The following NOVA2 variants were observed in gnomAD, a reference collection of about 807,000 sequenced individuals.
NOVA2 encodes RNA-binding protein Nova-2.
NOVA2 carries 9 observed loss-of-function variants against 22.5 expected under a neutral mutation model. The ratio of observed to expected loss-of-function variants is 0.40; its 90% CI spans 0.24 to 0.70. The LOEUF is 0.70. Among genes scored for constraint, NOVA2 ranks in the 30% least tolerant of loss-of-function variants. The pLI is 0.38. For missense variants in NOVA2, 383 were observed against 682.8 expected (o/e 0.56, Z 4.89); for synonymous variants, 318 against 335.2 (o/e 0.95, Z 0.56).
chr19:45,962,404 G>C (rs555269695), intron 1 of NOVA2: 1 of 152,910 alleles, frequency 6.5e-6, no homozygotes, highest in East Asian at 1.9e-4. Context: ...GCACAGAGAA[G>C]TGAAGGTACC....
chr19:45,961,228 A>G (rs1968091901), intron 1 of NOVA2, 75 bp from the exon 2 acceptor site: 1 of 972,762 alleles, frequency 1.0e-6, no homozygotes, highest in African/African-American at 1.6e-5. Context: ...AGCAGAGGAA[A>G]CCCCAGGGGT....
At position 45,933,918 on chromosome 19, in the gene NOVA2, T is replaced by G. The variant is rs1967625008; in HGVS notation, c.*5945A>C. The G allele has an allele frequency of 6.7e-6, 1 of 149,842 alleles. No individual in the cohort carries two copies. The highest frequency in any genetic ancestry group is 6.7e-5 in the Admixed American group (1 of 15,030). The allele number at this position is 149,842 out of a possible 1,614,324, so 9.3% of individuals were successfully genotyped here. On this transcript the variant is annotated 3_prime_UTR_variant, in exon 4 of 4. Transcript: ENST00000263257. ...TGGGCGTGGCCCAGGCATGGCAATG[T>G]GGGGAGTGGGAGGAGACGGCAGTGC...
chr19:45,956,561 C>G (rs1279911528), intron 2 of NOVA2, among the ~76,000 whole-genome samples: 1 of 152,094 alleles, frequency 6.6e-6, no homozygotes, highest in East Asian at 1.9e-4. Context: ...ACCTCTGCCT[C>G]CCAGTTCAAG....
Position 45,935,320 on chromosome 19 carries a change from G to A in NOVA2, c.*4543C>T, listed in dbSNP as rs1967640600. On this transcript the variant is annotated 3_prime_UTR_variant, in exon 4 of 4. Transcript: ENST00000263257. Reference sequence around the variant, plus strand: ...CAATGCAACTTGCAGGGGACACTAAGACAGACCATACACACCAGCAGTGGC... The same window carrying A: ...CAATGCAACTTGCAGGGGACACTAAAACAGACCATACACACCAGCAGTGGC... 2 of 152,398 alleles carry A rather than the reference G, an allele frequency of 1.3e-5. No homozygotes were observed. Among genetic ancestry groups the A allele is most frequent in the Non-Finnish European group, 2.9e-5 (2 of 68,200 alleles). 9.4% of individuals were successfully genotyped at this position (152,398 alleles called of 1,614,324 possible).
Position 45,935,538 on chromosome 19 carries a change from G to A in NOVA2, c.*4325C>T, listed in dbSNP as rs1291212602. The A allele has an allele frequency of 1.3e-5, 2 of 152,316 alleles. No homozygotes were observed. The highest frequency in any genetic ancestry group is 2.9e-5 in the Non-Finnish European group (2 of 68,040). The allele number at this position is 152,316 out of a possible 1,614,324, so 9.4% of individuals were successfully genotyped here. On this transcript the variant is annotated 3_prime_UTR_variant, in exon 4 of 4. Transcript: ENST00000263257. ...TCCAGGCTTTCAGGACAGCGAGCCC[G>A]GTTTCCAGGCAGGTGCTTGTCGAAG...
Position 45,973,316 on chromosome 19 carries a change from G to T in NOVA2, c.36C>A (p.Pro12=). The T allele has an allele frequency of 7.6e-7, 1 of 1,311,314 alleles. No individual in the cohort carries two copies. Among genetic ancestry groups the T allele is most frequent in the Non-Finnish European group, 9.8e-7 (1 of 1,024,356 alleles). The allele number at this position is 1,311,314 out of a possible 1,614,324, so 81.2% of individuals were successfully genotyped here. ...AGACCACCTCGGGGGGCGTTTCGAGGGGCCTCTTGCGGGAATCCGGGGCCT... is the reference window on the plus strand; with the variant it reads ...AGACCACCTCGGGGGGCGTTTCGAGTGGCCTCTTGCGGGAATCCGGGGCCT... ...EPEAPDSRKR[P]LETPPEVVCT... The change falls in exon 1 of 4, where the codon CCC becomes CCA. Residue 12 remains proline (P), a synonymous_variant. Coordinates refer to ENST00000263257, the MANE Select transcript of NOVA2 (RefSeq NM_002516.4).
At chr19:45,946,553 T>C (rs951869241) in intron 3 of NOVA2, among the ~76,000 whole-genome samples, 8 of 152,098 alleles carry the variant, frequency 5.3e-5, no homozygotes, top group African/African-American at 1.7e-4. Context: ...CCTTGGAAGA[T>C]ACATGTTAAA....
Position 45,938,500 on chromosome 19 carries a change from C to T in NOVA2, c.*1363G>A, listed in dbSNP as rs957417860. 6.6e-6 allele frequency: 1 copy of T among 152,638 alleles called. No individual in the cohort carries two copies. The highest frequency in any genetic ancestry group is 1.5e-5 in the Non-Finnish European group (1 of 68,152). The allele number at this position is 152,638 out of a possible 1,614,324, so 9.5% of individuals were successfully genotyped here. A position where few individuals can be genotyped will look rare whatever the true frequency, so the allele number is the denominator to read the frequency against. ...CCATACTGGCCTGACAGAGCCACCA[C>T]ACACTTGGCTCACCCGATTCAATGA... On this transcript the variant is annotated 3_prime_UTR_variant, in exon 4 of 4. Transcript: ENST00000263257.
At chr19:45,958,537 G>GTT (rs1968045657) in intron 2 of NOVA2, among the ~76,000 whole-genome samples, 2 of 150,836 alleles carry the variant, frequency 1.3e-5, no homozygotes, top group African/African-American at 4.9e-5. Flanking sequence ...GACAGTGTGT[G>GTT]TGACTGTGTG....
chr19:45,964,348 T>TTTTGTG lies in NOVA2; in HGVS notation c.86-3196_86-3195insCACAAA, dbSNP rs1245062277. Among the ~76,000 whole-genome samples, 3 of 119,508 alleles carry TTTTGTG rather than the reference T, an allele frequency of 2.5e-5. No homozygotes were observed. In the East Asian group the frequency reaches 7.5e-4, roughly 30 times the overall value. The allele number at this position is 119,508 out of a possible 152,430, so 78.4% of individuals were successfully genotyped here. On this transcript the variant is annotated intron_variant, in intron 1 of 3. Coordinates refer to ENST00000263257, the MANE Select transcript of NOVA2 (RefSeq NM_002516.4). ...GTGCCCACAACCATGCCCGGCTAAT[T>TTTTGTG]TGTGTGTGTGTGTGTGTGTGTGTGT...
chr19:45,961,194 G>A, intron 1 of NOVA2, 41 bp from the exon 2 acceptor site: 1 of 1,525,036 alleles, frequency 6.6e-7, no homozygotes, highest in South Asian at 1.2e-5. Flanking sequence ...AGCGGGGGAG[G>A]GGTCTTCACC....
intron 1 of NOVA2, among the ~76,000 whole-genome samples, chr19:45,969,145 C>T (rs925923287): frequency 6.6e-6 from 1 of 151,748 alleles, no homozygotes; most frequent in African/African-American, 2.4e-5. Flanking sequence ...GGCGATACAG[C>T]GAGACTCTGT....
intron 2 of NOVA2, among the ~76,000 whole-genome samples, chr19:45,959,475 C>G (rs1251913506): frequency 6.6e-6 from 1 of 152,106 alleles, no homozygotes. Flanking sequence ...CGACATGTCT[C>G]GTGGCACAGA....
In NOVA2 at chr19:45,940,192, C is replaced by T; in HGVS notation, c.1150G>A (p.Ala384Thr). The T allele has an allele frequency of 1.9e-6, 3 of 1,550,612 alleles. No homozygotes were observed. Among genetic ancestry groups the T allele is most frequent in the Non-Finnish European group, 2.6e-6 (3 of 1,155,028 alleles). ...CCGGCCGCCCCGGCCGCGGCTGCAGCGGCCACCAGCGGGCCGCCCCCTCCG... is the reference window on the plus strand; with the variant it reads ...CCGGCCGCCCCGGCCGCGGCTGCAGTGGCCACCAGCGGGCCGCCCCCTCCG... ...AGGGGGPLVA[A>T]AAAAGAAGGF... The change falls in exon 4 of 4, where the codon GCT becomes ACT. Residue 384 changes from alanine to threonine, a missense_variant. This residue lies in a region of NOVA2 where 349 missense variants were observed against 578.1 expected (regional missense o/e 0.60). Coordinates refer to ENST00000263257, the MANE Select transcript of NOVA2 (RefSeq NM_002516.4).
In NOVA2 at chr19:45,941,308, TA is replaced by T. The variant is rs1377483998; in HGVS notation, c.397-364del. On this transcript the variant is annotated intron_variant, in intron 3 of 3. Coordinates refer to ENST00000263257, the MANE Select transcript of NOVA2 (RefSeq NM_002516.4). ...GACCCTGTCTCAAAATAAAATAAAATAATATATATATATATATATATAATTT... is the reference window on the plus strand; with the variant it reads ...GACCCTGTCTCAAAATAAAATAAAATATATATATATATATATATATAATTT... Among the ~76,000 whole-genome samples, 87 of 70,744 alleles carry T rather than the reference TA, an allele frequency of 1.2e-3. 1 individual carries two copies. The South Asian group carries it at 0.039, about 32-fold the overall frequency. The allele number at this position is 70,744 out of a possible 152,430, so 46.4% of individuals were successfully genotyped here. A position where few individuals can be genotyped will look rare whatever the true frequency, so the allele number is the denominator to read the frequency against.
intron 2 of NOVA2, among the ~76,000 whole-genome samples, chr19:45,958,450 A>G (rs117302262): frequency 0.024 from 3,427 of 144,324 alleles, 52 homozygotes; most frequent in Admixed American, 0.036. Context: ...ACGTGTGACA[A>G]TGTGTGTGTA....
At chr19:45,959,799 GGAGA>G (rs372547074) in intron 2 of NOVA2, among the ~76,000 whole-genome samples, 3 of 146,090 alleles carry the variant, frequency 2.1e-5, no homozygotes, top group African/African-American at 5.0e-5. Context: ...GACGGGGTGG[GGAGA>G]GAGAGAGAGA....
At chr19:45,958,949 C>T (rs1161782270) in intron 2 of NOVA2, among the ~76,000 whole-genome samples, 1 of 152,152 alleles carries the variant, frequency 6.6e-6, no homozygotes, top group Non-Finnish European at 1.5e-5. Context: ...ACTTCCTGTC[C>T]CAGCCCTGAC....
Position 45,940,594 on chromosome 19 carries a change from A to AGGC in NOVA2, c.745_747dup (p.Ala249dup), listed in dbSNP as rs1273148308. ...AGCCCGGCGGGGCCCAGCAGGCCGGAGGCGGCGGCGGCCGACGCTGCGGCC... is the reference window on the plus strand; with the variant it reads ...AGCCCGGCGGGGCCCAGCAGGCCGGAGGCGGCGGCGGCGGCCGACGCTGCGGCC... On this transcript the variant is annotated inframe_insertion, in exon 4 of 4. Coordinates refer to ENST00000263257, the MANE Select transcript of NOVA2 (RefSeq NM_002516.4). The AGGC allele has an allele frequency of 4.9e-6, 7 of 1,423,038 alleles. No individual in the cohort carries two copies. Among genetic ancestry groups the AGGC allele is most frequent in the Non-Finnish European group, 6.4e-6 (7 of 1,100,010 alleles). The allele number at this position is 1,423,038 out of a possible 1,614,324, so 88.2% of individuals were successfully genotyped here. A position where few individuals can be genotyped will look rare whatever the true frequency, so the allele number is the denominator to read the frequency against.
Sources: allele counts gnomAD v4.1 joint callset (sites outside exome capture counted in the v4.1 genomes callset), GRCh38; gene constraint gnomAD v4.1.1; regional missense constraint gnomAD v4.1.1; transcripts MANE v1.5; gene names NCBI Gene and HGNC (gene_info 2026-07-23, HGNC 2026-07-21).